Variants in DENND1B observed in about 807,000 individuals in gnomAD.
DENND1B encodes the protein DENN domain containing 1B, also known as DENN domain-containing protein 1B.
In DENND1B, 59 loss-of-function variants were observed where a neutral mutation model predicts 90.1. The ratio of observed to expected loss-of-function variants is 0.65; its 90% CI spans 0.53 to 0.81. The LOEUF is 0.81. Among genes scored for constraint, DENND1B ranks in the 40% least tolerant of loss-of-function variants. The probability of loss-of-function intolerance (pLI) is 0.00; values close to 1 mark genes in which losing one functional copy is unlikely to be tolerated. For synonymous variants in DENND1B, 337 were observed against 324.6 expected, an observed-to-expected ratio of 1.04 and a Z score of -0.41; for missense variants, 862 against 912.6, an observed-to-expected ratio of 0.94 and a Z score of 0.71.
At chr1:197,586,414 G>GT (rs1302346149) in intron 14 of DENND1B, among the ~76,000 whole-genome samples, 11 of 151,716 alleles carry the variant, frequency 7.3e-5, no homozygotes, top group African/African-American at 2.4e-4. Context: ...TTCTAATATG[G>GT]TAAGTATTTA....
At chr1:197,773,028 T>G (rs1289565952) in intron 1 of DENND1B, 96 bp from the exon 2 acceptor site, 1 of 1,018,942 alleles carries the variant, frequency 9.8e-7, no homozygotes. Context: ...TGTTTTTGTC[T>G]CAATACATTT....
At chr1:197,599,306 G>A (rs1050839306) in intron 13 of DENND1B, among the ~76,000 whole-genome samples, 1 of 151,772 alleles carries the variant, frequency 6.6e-6, no homozygotes, top group Non-Finnish European at 1.5e-5. Context: ...GTGATTTCTA[G>A]ATATGCTTTT....
At chr1:197,669,321 G>C (rs1013051823) in intron 5 of DENND1B, among the ~76,000 whole-genome samples, 4 of 152,006 alleles carry the variant, frequency 2.6e-5, no homozygotes, top group African/African-American at 9.7e-5. Flanking sequence ...AAAGCTAAAA[G>C]TGGTGAAGGA....
intron 10 of DENND1B, among the ~76,000 whole-genome samples, chr1:197,624,687 GAGA>G (rs1678492890): frequency 6.6e-6 from 1 of 151,882 alleles, no homozygotes. Context: ...GACGAGTTGA[GAGA>G]AGAAGGCTTC....
intron 20 of DENND1B, among the ~76,000 whole-genome samples, chr1:197,520,827 C>A (rs933105575): frequency 1.3e-5 from 2 of 151,862 alleles, no homozygotes; most frequent in African/African-American, 4.8e-5. Flanking sequence ...CCTAAACACA[C>A]ATAATTGTAA....
intron 10 of DENND1B, among the ~76,000 whole-genome samples, chr1:197,622,718 C>T (rs1229268605): frequency 6.6e-6 from 1 of 151,414 alleles, no homozygotes; most frequent in East Asian, 2.0e-4. Context: ...ACAAATTCTA[C>T]AAGTTATCAT....
intron 3 of DENND1B, among the ~76,000 whole-genome samples, chr1:197,682,793 G>C (rs1002185753): frequency 1.3e-5 from 2 of 152,172 alleles, no homozygotes; most frequent in Admixed American, 1.3e-4. Context: ...AGTTGAAAAA[G>C]AAGTACAAAT....
chr1:197,670,890 G>T (rs12023788), intron 5 of DENND1B, among the ~76,000 whole-genome samples: 1 of 152,196 alleles, frequency 6.6e-6, no homozygotes, highest in East Asian at 1.9e-4. Context: ...TGGATAAAGT[G>T]TAAGTTTTAA....
intron 20 of DENND1B, among the ~76,000 whole-genome samples, chr1:197,536,422 G>A (rs1221024582): frequency 4.6e-5 from 7 of 152,006 alleles, no homozygotes; most frequent in Admixed American, 1.3e-4. Flanking sequence ...CAATGTAAAC[G>A]TACCCGCTCT....
At chr1:197,687,117 T>C (rs1262839607) in intron 3 of DENND1B, among the ~76,000 whole-genome samples, 1 of 152,208 alleles carries the variant, frequency 6.6e-6, no homozygotes, top group Non-Finnish European at 1.5e-5. Context: ...GTATAAATAG[T>C]TGAGAACATG....
chr1:197,761,499 T>C lies in DENND1B; in HGVS notation c.82+11369A>G, dbSNP rs556894105. 3.9e-5 allele frequency among the ~76,000 whole-genome samples: 6 copies of C among 152,296 alleles called. No individual in the cohort carries two copies. The South Asian group carries it at 1.2e-3, about 32-fold the overall frequency. Reference sequence around the variant, plus strand: ...CACATTTGAACTTATTTGGCTTTCATTTGAACCATGTTTCCTGTATAAACA... The same window carrying C: ...CACATTTGAACTTATTTGGCTTTCACTTGAACCATGTTTCCTGTATAAACA... On this transcript the variant is annotated intron_variant, in intron 2 of 22. Coordinates refer to ENST00000620048, the MANE Select transcript of DENND1B (RefSeq NM_001195215.2).
intron 2 of DENND1B, chr1:197,734,743 A>T: frequency 1.0e-6 from 1 of 983,488 alleles, no homozygotes; most frequent in Non-Finnish European, 1.2e-6. Flanking sequence ...CATTTGTTAC[A>T]TACTCCATAG....
chr1:197,677,909 C>T (rs1656259643), intron 3 of DENND1B, among the ~76,000 whole-genome samples: 1 of 152,190 alleles, frequency 6.6e-6, no homozygotes, highest in South Asian at 2.1e-4. Context: ...CCTCAGCTAT[C>T]TCTACTCATG....
chr1:197,626,163 C>T (rs1256353315), intron 10 of DENND1B, among the ~76,000 whole-genome samples: 31 of 152,012 alleles, frequency 2.0e-4, no homozygotes, highest in Admixed American at 1.8e-3. Flanking sequence ...AGCTCTGCAC[C>T]AAGCAGACCT....
At chr1:197,747,362 A>T (rs1048524456) in intron 2 of DENND1B, 5 of 541,110 alleles carry the variant, frequency 9.2e-6, no homozygotes, top group Non-Finnish European at 1.7e-5. Context: ...CTTGTGAGTT[A>T]AGTCCAGAGT....
chr1:197,715,126 AG>A (rs1410301211), intron 2 of DENND1B, 52 bp from the exon 3 acceptor site: 1 of 1,501,216 alleles, frequency 6.7e-7, no homozygotes, highest in Non-Finnish European at 9.2e-7. Flanking sequence ...ACACATTTAA[AG>A]GAACAGTCTT....
At chr1:197,613,878 A>AT (rs1157310323) in intron 11 of DENND1B, among the ~76,000 whole-genome samples, 1 of 151,046 alleles carries the variant, frequency 6.6e-6, no homozygotes, top group Admixed American at 6.6e-5. Context: ...TTCAAAGTAC[A>AT]TTTTAATGAA....
intron 11 of DENND1B, among the ~76,000 whole-genome samples, chr1:197,612,383 T>C (rs1238161094): frequency 6.6e-6 from 1 of 150,570 alleles, no homozygotes; most frequent in Non-Finnish European, 1.5e-5. Flanking sequence ...TCTTTTCCTA[T>C]TCAATTAAAT....
At chr1:197,546,597 T>G in intron 17 of DENND1B, 136 bp downstream of exon 17, 2 of 783,454 alleles carry the variant, frequency 2.6e-6, no homozygotes, top group Non-Finnish European at 3.9e-6. Flanking sequence ...AAAATAAGAA[T>G]ATTTAAAATG....
Sources: gnomAD v4.1 joint callset for allele counts (sites outside exome capture counted in the v4.1 genomes callset) on GRCh38, gnomAD v4.1.1 for gene constraint, MANE v1.5 for transcripts, NCBI Gene and HGNC (gene_info 2026-07-23, HGNC 2026-07-21) for gene names.